DDX10: variants seen among roughly 807,000 people sequenced by gnomAD.
DDX10 encodes the protein probable ATP-dependent RNA helicase DDX10.
DDX10 carries 74 observed loss-of-function variants against 104.3 expected under a neutral mutation model. That is an observed-to-expected ratio of 0.71 (90% confidence interval 0.59 to 0.86). The LOEUF is 0.86. Among genes scored for constraint, DDX10 ranks in the 40% least tolerant of loss-of-function variants. The pLI is 0.00. For missense variants in DDX10, 952 were observed against 1,040.0 expected, an observed-to-expected ratio of 0.92 and a Z score of 1.16; for synonymous variants, 351 against 353.4, an observed-to-expected ratio of 0.99 and a Z score of 0.08.
intron 3 of DDX10, among the ~76,000 whole-genome samples, chr11:108,676,178 G>A (rs1193780113): frequency 6.6e-6 from 1 of 152,118 alleles, no homozygotes; most frequent in Non-Finnish European, 1.5e-5. Context: ...GAATTTTCTG[G>A]GACATTGCTA....
chr11:108,836,426 A>G (rs1862556304), intron 13 of DDX10, among the ~76,000 whole-genome samples: 1 of 152,204 alleles, frequency 6.6e-6, no homozygotes, highest in East Asian at 1.9e-4. Flanking sequence ...AATATAATAC[A>G]TTGATAACTT....
At chr11:108,793,153 C>G (rs1432899157) in intron 13 of DDX10, among the ~76,000 whole-genome samples, 1 of 152,164 alleles carries the variant, frequency 6.6e-6, no homozygotes, top group Non-Finnish European at 1.5e-5. Context: ...TAATTACTCT[C>G]TCTGTTGGCC....
rs2094299099 is a variant in DDX10, at chr11:108,722,142, CAG to C, written c.1500-854_1500-853del. Among the ~76,000 whole-genome samples the C allele has an allele frequency of 7.2e-5, 11 of 152,322 alleles. No homozygotes were observed. In the South Asian group the frequency reaches 2.3e-3, roughly 32 times the overall value. On this transcript the variant is annotated intron_variant, in intron 12 of 17. Transcript: ENST00000322536. ...GTAAGATCTCACAGCTAGTAAGTGG[CAG>C]CCAGATTTTGAACCCCAGCAGTCTT...
In DDX10 at chr11:108,940,490, C is replaced by T. The variant is rs1419795131; in HGVS notation, c.*67C>T. The T allele has an allele frequency of 1.9e-6, 3 of 1,553,484 alleles. No individual in the cohort carries two copies. The highest frequency in any genetic ancestry group is 1.7e-6 in the Non-Finnish European group (2 of 1,145,790). On this transcript the variant is annotated 3_prime_UTR_variant, in exon 18 of 18. Coordinates refer to ENST00000322536, the MANE Select transcript of DDX10 (RefSeq NM_004398.4). ...ACTGCGTAGGCAAGAAGTTGAAAAA[C>T]AGTTGATTTGGGGGCACTTAGGTAC... is the stretch of plus-strand genomic sequence containing the variant.
At chr11:108,700,172 T>C (rs1220946467) in intron 9 of DDX10, among the ~76,000 whole-genome samples, 1 of 152,178 alleles carries the variant, frequency 6.6e-6, no homozygotes, top group African/African-American at 2.4e-5. Context: ...GGGCATCCTC[T>C]TCCCTACCTC....
chr11:108,698,268 A>ATTTTACTT (rs2094262659), intron 9 of DDX10, among the ~76,000 whole-genome samples: 1 of 152,256 alleles, frequency 6.6e-6, no homozygotes, highest in South Asian at 2.1e-4. Context: ...TAATAAAAGT[A>ATTTTACTT]AAAAGACAGT....
Position 108,833,397 on chromosome 11 carries a change from C to T in DDX10, c.1966-5049C>T, listed in dbSNP as rs568106478. Among the ~76,000 whole-genome samples, 7 of 152,346 alleles carry T rather than the reference C, an allele frequency of 4.6e-5. No homozygotes were observed. In the Middle Eastern group the frequency reaches 0.01, roughly 222 times the overall value. On this transcript the variant is annotated intron_variant, in intron 13 of 17. Transcript: ENST00000322536. ...GGAGTCCACCCCTCTTGCACTGCTG[C>T]GTCCTCACTATGTAGTATGATGCCT...
chr11:108,734,350 C>G (rs1789582007), intron 13 of DDX10, among the ~76,000 whole-genome samples: 1 of 152,116 alleles, frequency 6.6e-6, no homozygotes, highest in Admixed American at 6.6e-5. Context: ...TTATAGGTGT[C>G]TTTTCTGTTT....
intron 13 of DDX10, among the ~76,000 whole-genome samples, chr11:108,759,178 C>A (rs1652047426): frequency 1.3e-5 from 2 of 151,904 alleles, no homozygotes; most frequent in Non-Finnish European, 2.9e-5. Context: ...ATAATTAACC[C>A]ATTTATCTCA....
intron 15 of DDX10, among the ~76,000 whole-genome samples, chr11:108,851,618 A>G (rs938746241): frequency 6.7e-6 from 1 of 149,184 alleles, no homozygotes; most frequent in Non-Finnish European, 1.5e-5. Flanking sequence ...TTAAAGTCAC[A>G]TCTGTTAATG....
intron 17 of DDX10, among the ~76,000 whole-genome samples, chr11:108,924,685 G>C (rs892613275): frequency 3.9e-5 from 6 of 152,204 alleles, no homozygotes; most frequent in Middle Eastern, 3.4e-3. Context: ...TCCTAGTATT[G>C]AGTTCTGTGA....
At chr11:108,749,070 TTC>T (rs146782260) in intron 13 of DDX10, among the ~76,000 whole-genome samples, 4 of 150,710 alleles carry the variant, frequency 2.7e-5, no homozygotes, top group African/African-American at 7.4e-5. Context: ...CTCTCTCTCT[TTC>T]TCTCTCTCTC....
chr11:108,811,567 A>G (rs10789685), intron 13 of DDX10, among the ~76,000 whole-genome samples: 71,043 of 152,112 alleles, frequency 0.47, 19,732 homozygotes, highest in Non-Finnish European at 0.61. Flanking sequence ...ATTAAATATT[A>G]TTTTTTAATG....
At chr11:108,854,889 G>A (rs969532876) in intron 16 of DDX10, among the ~76,000 whole-genome samples, 1 of 152,150 alleles carries the variant, frequency 6.6e-6, no homozygotes, top group African/African-American at 2.4e-5. Flanking sequence ...GCTTTAAAGT[G>A]TGAGTAGGAT....
At chr11:108,924,131 G>A (rs1188113634) in intron 17 of DDX10, among the ~76,000 whole-genome samples, 3 of 151,860 alleles carry the variant, frequency 2.0e-5, no homozygotes, top group Non-Finnish European at 4.4e-5. Context: ...GAAACAGCCG[G>A]ATGTTCCAGA....
chr11:108,899,477 C>T (rs1591116590), intron 16 of DDX10, among the ~76,000 whole-genome samples: 1 of 147,656 alleles, frequency 6.8e-6, no homozygotes, highest in Non-Finnish European at 1.5e-5. Context: ...AGAAACACTT[C>T]AAAGCATGCA....
chr11:108,787,334 G>A (rs143196553), intron 13 of DDX10, among the ~76,000 whole-genome samples: 8 of 152,170 alleles, frequency 5.3e-5, no homozygotes, highest in African/African-American at 1.9e-4. Flanking sequence ...GAATGGTCAT[G>A]TTGTATAGTA....
At chr11:108,699,811 T>A (rs1476801835) in intron 9 of DDX10, among the ~76,000 whole-genome samples, 2 of 152,098 alleles carry the variant, frequency 1.3e-5, no homozygotes, top group Admixed American at 6.5e-5. Flanking sequence ...AATCCTGAGG[T>A]AGAAGTGAAA....
intron 11 of DDX10, among the ~76,000 whole-genome samples, chr11:108,717,851 C>T (rs1436553296): frequency 1.3e-5 from 2 of 152,044 alleles, no homozygotes; most frequent in African/African-American, 2.4e-5. Flanking sequence ...TAAATGCTAG[C>T]TTGAAAATTA....
Sources: gnomAD v4.1 joint callset for allele counts (sites outside exome capture counted in the v4.1 genomes callset) on GRCh38, gnomAD v4.1.1 for gene constraint, MANE v1.5 for transcripts, NCBI Gene and HGNC (gene_info 2026-07-23, HGNC 2026-07-21) for gene names.